The following POLA2 variants were observed in gnomAD, a reference collection of about 807,000 sequenced individuals.
The protein encoded by POLA2 is DNA polymerase alpha 2, accessory subunit, also known as DNA polymerase alpha subunit B.
In POLA2, 47 loss-of-function variants were observed where a neutral mutation model predicts 82.8. The ratio of observed to expected loss-of-function variants is 0.57; its 90% confidence interval spans 0.45 to 0.72. The LOEUF (loss-of-function observed/expected upper bound fraction) is 0.72, where lower values mean the gene tolerates loss of function less well. Among genes scored for constraint, POLA2 ranks in the 30% least tolerant of loss-of-function variants. POLA2 has a pLI of 0.00. For missense variants in POLA2, 634 were observed against 728.1 expected (o/e 0.87, Z 1.49); for synonymous variants, 287 against 286.8 (o/e 1.00, Z -0.01).
Position 65,294,545 on chromosome 11 carries a change from G to C in POLA2, c.1354-1G>C. ...TTTGTTTCAATCCGTTCTCATTTTA[G>C]CAAGTACAGTTTGTGTCCGAGCCCT... On this transcript the variant is annotated splice_acceptor_variant, in intron 14 of 17. Transcript: ENST00000265465. LOFTEE classifies it high-confidence loss of function. 4 of 1,608,042 alleles carry C rather than the reference G, an allele frequency of 2.5e-6. No individual in the cohort carries two copies. The highest frequency in any genetic ancestry group is 3.4e-6 in the Non-Finnish European group (4 of 1,175,644).
At chr11:65,270,243 G>A (rs1322034854) in intron 4 of POLA2, among the ~76,000 whole-genome samples, 1 of 152,248 alleles carries the variant, frequency 6.6e-6, no homozygotes, top group African/African-American at 2.4e-5. Flanking sequence ...AGGGCTGGGT[G>A]CAGTGGCTCA....
downstream of POLA2, among the ~76,000 whole-genome samples, chr11:65,298,925 G>A (rs965125719): frequency 1.3e-5 from 2 of 152,224 alleles, no homozygotes; most frequent in African/African-American, 4.8e-5. Flanking sequence ...GATCTGGGAG[G>A]GCCGGGAGGG....
In POLA2 at chr11:65,261,964, T is replaced by C. The variant is rs1387631573; in HGVS notation, c.-329T>C. On this transcript the variant is annotated 5_prime_UTR_variant, in exon 1 of 18. Coordinates refer to ENST00000265465, the MANE Select transcript of POLA2 (RefSeq NM_002689.4). ...TTGGCGGGTTTTTCCGGCCACTCAG[T>C]TCTGCCACCGTCACTGAGAAGCTCA... is the stretch of plus-strand genomic sequence containing the variant. The C allele has an allele frequency of 7.5e-6, 3 of 398,972 alleles. No individual in the cohort carries two copies. Among genetic ancestry groups the C allele is most frequent in the Admixed American group, 4.5e-5 (1 of 22,464 alleles). 24.7% of individuals were successfully genotyped at this position (398,972 alleles called of 1,614,324 possible).
chr11:65,304,549 G>A (rs905390921), intron 8 of POLA2, among the ~76,000 whole-genome samples: 15 of 152,104 alleles, frequency 9.9e-5, no homozygotes, highest in Admixed American at 5.2e-4. Context: ...TGAACCAAAT[G>A]ACAACGCCAC....
At chr11:65,263,534 T>TA (rs1949424218) in intron 1 of POLA2, among the ~76,000 whole-genome samples, 1 of 152,080 alleles carries the variant, frequency 6.6e-6, no homozygotes, top group Non-Finnish European at 1.5e-5. Flanking sequence ...CTTCTCTTTT[T>TA]AAAAGAAGAC....
intron 10 of POLA2, among the ~76,000 whole-genome samples, chr11:65,283,194 T>G (rs904097867): frequency 2.0e-5 from 3 of 152,216 alleles, no homozygotes; most frequent in African/African-American, 7.2e-5. Flanking sequence ...ATTGGATCCT[T>G]GAAGAGAACG....
At chr11:65,266,399 C>A in intron 1 of POLA2, 183 bp from the exon 2 acceptor site, 1 of 591,596 alleles carries the variant, frequency 1.7e-6, no homozygotes, top group South Asian at 2.1e-5. Flanking sequence ...TCTTTTGTCT[C>A]CCCTCAGTGG....
chr11:65,262,027 G>T lies in POLA2; in HGVS notation c.-266G>T, dbSNP rs1012247357. The T allele has an allele frequency of 1.9e-5, 10 of 535,030 alleles. No individual in the cohort carries two copies. Among genetic ancestry groups the T allele is most frequent in the Non-Finnish European group, 3.0e-5 (9 of 302,364 alleles). 33.1% of individuals were successfully genotyped at this position (535,030 alleles called of 1,614,324 possible). A position where few individuals can be genotyped will look rare whatever the true frequency, so the allele number is the denominator to read the frequency against. On this transcript the variant is annotated 5_prime_UTR_variant, in exon 1 of 18. Coordinates refer to ENST00000265465, the MANE Select transcript of POLA2 (RefSeq NM_002689.4). ...GGGAAGCAGGACGTTCTCACCAGGA[G>T]AGCGTCCTCTCGAGATTTCTGCTCC...
chr11:65,294,681 G>A, intron 15 of POLA2, 29 bp downstream of exon 15: 1 of 1,464,818 alleles, frequency 6.8e-7, no homozygotes, highest in Non-Finnish European at 9.5e-7. Flanking sequence ...GCCCCAAGCA[G>A]GATGACTGGC....
downstream of POLA2, among the ~76,000 whole-genome samples, chr11:65,301,531 G>A (rs1437496586): frequency 6.6e-6 from 1 of 152,156 alleles, no homozygotes. Context: ...ACTCCAGTGA[G>A]ACATGGGCGT....
At position 65,282,492 on chromosome 11, in the gene POLA2, C is replaced by T; in HGVS notation, c.977C>T (p.Pro326Leu). Residue 326 changes from proline (P) to leucine (L), a missense_variant, in exon 10 of 18, where the codon CCA becomes CTA. Pro to Leu is a moderately conservative substitution (Grantham distance 98, BLOSUM62 -3). Coordinates refer to ENST00000265465, the MANE Select transcript of POLA2 (RefSeq NM_002689.4). ...ATKLYEGVPL[P>L]FYQPTEEDAD... is the part of the protein sequence containing the mutation. ...CCCTGTTTTTAGGGTGTGCCACTTCCATTTTATCAGCCCACTGAAGAGGAT... is the reference window on the plus strand; with the variant it reads ...CCCTGTTTTTAGGGTGTGCCACTTCTATTTTATCAGCCCACTGAAGAGGAT... 1.9e-6 allele frequency: 3 copies of T among 1,613,782 alleles called. No individual in the cohort carries two copies. The highest frequency in any genetic ancestry group is 1.7e-6 in the Non-Finnish European group (2 of 1,179,724).
rs375543737 is a variant in POLA2 at position 65,294,529 on chromosome 11, A to G, written c.1354-17A>G. On this transcript the variant is annotated splice_polypyrimidine_tract_variant and intron_variant, in intron 14 of 17. Coordinates refer to ENST00000265465, the MANE Select transcript of POLA2 (RefSeq NM_002689.4). ...CTTTGGCATACAAATGTTTGTTTCA[A>G]TCCGTTCTCATTTTAGCAAGTACAG... 28 of 1,590,216 alleles carry G rather than the reference A, an allele frequency of 1.8e-5. No homozygotes were observed. The African/African-American group carries it at 3.0e-4, about 17-fold the overall frequency.
At chr11:65,269,313 T>G (rs549949906) in intron 4 of POLA2, among the ~76,000 whole-genome samples, 7 of 151,922 alleles carry the variant, frequency 4.6e-5, no homozygotes, top group Non-Finnish European at 8.8e-5. Flanking sequence ...AAACTCTGTC[T>G]CTACCATAAA....
chr11:65,291,071 G>A (rs981411805), intron 13 of POLA2, among the ~76,000 whole-genome samples: 2 of 152,232 alleles, frequency 1.3e-5, no homozygotes, highest in African/African-American at 2.4e-5. Context: ...GGCTAAAGCC[G>A]GAAGTGGAAA....
At chr11:65,263,757 G>T (rs1164591505) in intron 1 of POLA2, among the ~76,000 whole-genome samples, 1 of 151,252 alleles carries the variant, frequency 6.6e-6, no homozygotes. Flanking sequence ...AACATGAGAG[G>T]CAGAGGTTGT....
Position 65,267,497 on chromosome 11 carries a change from G to A in POLA2, c.225G>A (p.Ser75=), listed in dbSNP as rs992805095. 7.5e-6 allele frequency: 12 copies of A among 1,610,034 alleles called. No individual in the cohort carries two copies. Among genetic ancestry groups the A allele is most frequent in the East Asian group, 2.2e-5 (1 of 44,742 alleles). ...FEHEFLSKRL[S]KARHSTCKDS... ...TTCAGTTTCTGAGCAAAAGATTATCGAAAGCCAGGCATAGTACCTGCAAGG... is the reference window on the plus strand; with the variant it reads ...TTCAGTTTCTGAGCAAAAGATTATCAAAAGCCAGGCATAGTACCTGCAAGG... The change falls in exon 3 of 18, where the codon TCG becomes TCA. Residue 75 remains serine (S), a synonymous_variant. Coordinates refer to ENST00000265465, the MANE Select transcript of POLA2 (RefSeq NM_002689.4).
rs1451647422 is a variant in POLA2 at position 65,294,237 on chromosome 11, C to T, written c.1329C>T (p.Ser443=). The T allele has an allele frequency of 3.1e-6, 5 of 1,613,872 alleles. No homozygotes were observed. The highest frequency in any genetic ancestry group is 2.7e-5 in the African/African-American group (2 of 74,912). ...PVYPQPPFSY[S]DLSREDKKQV... ...ACCCCCAGCCGCCTTTCAGCTACTC[C>T]GATCTGTCTCGAGAGGACAAAAAGG... Residue 443 remains serine (S), a synonymous_variant, in exon 14 of 18, where the codon TCC becomes TCT. Coordinates refer to ENST00000265465, the MANE Select transcript of POLA2 (RefSeq NM_002689.4).
chr11:65,283,530 C>G (rs1590902959), intron 10 of POLA2, among the ~76,000 whole-genome samples: 1 of 151,960 alleles, frequency 6.6e-6, no homozygotes, highest in East Asian at 1.9e-4. Flanking sequence ...AGTGCAGTGG[C>G]AAGATCTTGG....
At position 65,275,944 on chromosome 11, in the gene POLA2, G is replaced by A. The variant is rs1183921201; in HGVS notation, c.407G>A (p.Ser136Asn). 1 of 1,609,398 alleles carries A rather than the reference G, an allele frequency of 6.2e-7. No individual in the cohort carries two copies. Among genetic ancestry groups the A allele is most frequent in the African/African-American group, 1.3e-5 (1 of 74,702 alleles). Residue 136 changes from serine (S) to asparagine (N), a missense_variant, in exon 5 of 18, where the codon AGT becomes AAT. Ser to Asn is a conservative substitution (Grantham distance 46). Transcript: ENST00000265465. ...STPETPLTKRSVSTRSPHQLL... is the reference protein window; with the variant it reads ...STPETPLTKRNVSTRSPHQLL... ...CCAGAAACCCCCCTAACAAAAAGGA[G>A]TGTGTCAACTCGTAGCCCCCATCAG...
Sources: allele counts gnomAD v4.1 joint callset (sites outside exome capture counted in the v4.1 genomes callset), GRCh38; gene constraint gnomAD v4.1.1; transcripts MANE v1.5; gene names NCBI Gene and HGNC (gene_info 2026-07-23, HGNC 2026-07-21).